Variants in ARFGEF1 observed in about 807,000 individuals in gnomAD.
ARFGEF1 encodes the protein brefeldin A-inhibited guanine nucleotide-exchange protein 1.
In ARFGEF1, 42 loss-of-function variants were observed where a neutral mutation model predicts 231.0. That is an observed-to-expected ratio of 0.18 (90% CI 0.14 to 0.24). The LOEUF is 0.24. Among genes scored for constraint, ARFGEF1 ranks in the 10% least tolerant of loss-of-function variants. The pLI is 1.00. For missense variants in ARFGEF1, 1,345 were observed against 2,192.0 expected (o/e 0.61, Z 7.72); for synonymous variants, 710 against 732.3 (o/e 0.97, Z 0.49).
At chr8:67,240,017 AAACATT>A (rs1400966555) in intron 20 of ARFGEF1, 139 bp downstream of exon 20, 1 of 1,123,472 alleles carries the variant, frequency 8.9e-7, no homozygotes, top group Non-Finnish European at 1.2e-6. Flanking sequence ...TCAGAAGCTT[AAACATT>A]AAGATTCATT....
At chr8:67,343,093 A>AGGCCCCCCCCCCCCCC in intron 1 of ARFGEF1, 71 bp downstream of exon 1, 2 of 184,674 alleles carry the variant, frequency 1.1e-5, no homozygotes, top group Non-Finnish European at 2.1e-5. Context: ...GGGCGACCCC[A>AGGCCCCCCCCCCCCCC]CCCCCCCACA....
Position 67,288,076 on chromosome 8 carries a change from A to C in ARFGEF1, c.917-11T>G. On this transcript the variant is annotated splice_polypyrimidine_tract_variant and intron_variant, in intron 6 of 38. Coordinates refer to ENST00000262215, the MANE Select transcript of ARFGEF1 (RefSeq NM_006421.5). ...CATTTTTAGATAATGCTTTAAAAGA[A>C]GAAAAATTCAACAGAACATTATTTT... The C allele has an allele frequency of 6.5e-7, 1 of 1,544,542 alleles. No homozygotes were observed. The highest frequency in any genetic ancestry group is 8.8e-7 in the Non-Finnish European group (1 of 1,139,842).
intron 36 of ARFGEF1, among the ~76,000 whole-genome samples, chr8:67,202,073 A>G (rs1012092171): frequency 6.6e-6 from 1 of 152,082 alleles, no homozygotes; most frequent in Non-Finnish European, 1.5e-5. Flanking sequence ...AGTACAGACT[A>G]CTCTTTCCAG....
intron 1 of ARFGEF1, among the ~76,000 whole-genome samples, chr8:67,338,370 A>AG (rs1295732732): frequency 3.9e-5 from 6 of 152,176 alleles, no homozygotes; most frequent in Non-Finnish European, 1.5e-5. Flanking sequence ...GTAAGTTCCA[A>AG]GGAACAACAT....
Position 67,218,111 on chromosome 8 carries a change from T to C in ARFGEF1, c.4366A>G (p.Asn1456Asp). Residue 1456 changes from asparagine to aspartate, a missense_variant, in exon 31 of 39, where the codon AAT becomes GAT. Physicochemically the swap from Asn to Asp is conservative, Grantham distance 23. Around this residue, in one of 14 missense-constraint regions of ARFGEF1, gnomAD observed 18 missense variants for 63.5 expected, o/e 0.28. Transcript: ENST00000262215. ...TCACAGATTGCATAAAGTGCATGATTGCAAGTTGTTGTCATCCATTCAGCT... is the reference window on the plus strand; with the variant it reads ...TCACAGATTGCATAAAGTGCATGATCGCAAGTTGTTGTCATCCATTCAGCT... ...EKAEWMTTTC[N>D]HALYAICDVF... 6.6e-7 allele frequency: 1 copy of C among 1,524,906 alleles called. No individual in the cohort carries two copies. 94.5% of individuals were successfully genotyped at this position (1,524,906 alleles called of 1,614,324 possible).
intron 3 of ARFGEF1, among the ~76,000 whole-genome samples, chr8:67,300,660 CAAA>C (rs200434355): frequency 1.3e-3 from 116 of 88,638 alleles, no homozygotes; most frequent in Middle Eastern, 6.1e-3. Flanking sequence ...CTTGTCTCTT[CAAA>C]AAAAAAAAAA....
chr8:67,276,976 C>G (rs992014187), intron 8 of ARFGEF1, among the ~76,000 whole-genome samples: 1 of 152,040 alleles, frequency 6.6e-6, no homozygotes, highest in Non-Finnish European at 1.5e-5. Context: ...CCAGAATTAT[C>G]TTGTGAATAT....
chr8:67,271,025 CAAAAAAAAAAAAAAAAAAGG>C (rs930953162), intron 10 of ARFGEF1, among the ~76,000 whole-genome samples: 3 of 36,114 alleles, frequency 8.3e-5, no homozygotes, highest in African/African-American at 1.1e-4. Flanking sequence ...ACTCCATCTC[CAAAAAAAAAAAAAAAAAAGG>C]AAAAAGAAAA....
intron 14 of ARFGEF1, among the ~76,000 whole-genome samples, chr8:67,261,669 A>C (rs1486596664): frequency 6.6e-6 from 1 of 152,142 alleles, no homozygotes; most frequent in Non-Finnish European, 1.5e-5. Context: ...CCTTGGATGA[A>C]AGAGTGATTT....
At chr8:67,311,341 G>A (rs1475737176) in intron 1 of ARFGEF1, among the ~76,000 whole-genome samples, 2 of 126,816 alleles carry the variant, frequency 1.6e-5, no homozygotes, top group Non-Finnish European at 3.4e-5. Flanking sequence ...GGTGAGGGGC[G>A]CCTCTGCCCG....
chr8:67,195,793 T>C (rs1837825850), downstream of ARFGEF1: 2 of 544,810 alleles, frequency 3.7e-6, no homozygotes, highest in Admixed American at 3.3e-5. Context: ...TAGAATTGTA[T>C]AGATTATTTT....
At chr8:67,310,240 T>C (rs1196148300) in intron 1 of ARFGEF1, among the ~76,000 whole-genome samples, 1 of 151,286 alleles carries the variant, frequency 6.6e-6, no homozygotes. Flanking sequence ...GCCGAGTGCC[T>C]GCGATTGCAG....
intron 9 of ARFGEF1, among the ~76,000 whole-genome samples, chr8:67,275,312 T>G (rs1435928491): frequency 6.6e-6 from 1 of 152,004 alleles, no homozygotes; most frequent in Non-Finnish European, 1.5e-5. Context: ...TACATTTGAA[T>G]CACGAGAGAT....
At chr8:67,222,196 T>TAC (rs1456002196) in intron 29 of ARFGEF1, among the ~76,000 whole-genome samples, 1 of 141,234 alleles carries the variant, frequency 7.1e-6, no homozygotes, top group African/African-American at 2.7e-5. Flanking sequence ...TATATATATA[T>TAC]ATATATATAC....
At chr8:67,281,547 T>C (rs921874351) in intron 7 of ARFGEF1, among the ~76,000 whole-genome samples, 2 of 151,802 alleles carry the variant, frequency 1.3e-5, no homozygotes, top group Non-Finnish European at 2.9e-5. Flanking sequence ...AAAATGAATA[T>C]CCTTGCCATC....
At chr8:67,260,780 G>A (rs1804586023) in intron 14 of ARFGEF1, among the ~76,000 whole-genome samples, 1 of 152,156 alleles carries the variant, frequency 6.6e-6, no homozygotes, top group Admixed American at 6.5e-5. Context: ...GCCAAGACAG[G>A]CTGAAAGCTA....
intron 17 of ARFGEF1, among the ~76,000 whole-genome samples, chr8:67,255,781 C>T (rs1840435093): frequency 6.6e-6 from 1 of 152,200 alleles, no homozygotes; most frequent in South Asian, 2.1e-4. Flanking sequence ...AAGCAGTTGC[C>T]ACCGCTAGAC....
chr8:67,324,498 G>A (rs1166362254), intron 1 of ARFGEF1, among the ~76,000 whole-genome samples: 2 of 152,132 alleles, frequency 1.3e-5, no homozygotes, highest in Non-Finnish European at 2.9e-5. Context: ...GATCTTCCAA[G>A]CCTGAAGTCC....
At chr8:67,249,518 T>C (rs550969123) in intron 19 of ARFGEF1, among the ~76,000 whole-genome samples, 1 of 150,652 alleles carries the variant, frequency 6.6e-6, no homozygotes, top group African/African-American at 2.5e-5. Flanking sequence ...GATAGATAAA[T>C]CTACAGATAT....
Sources: allele counts gnomAD v4.1 joint callset (sites outside exome capture counted in the v4.1 genomes callset), GRCh38; gene constraint gnomAD v4.1.1; regional missense constraint gnomAD v4.1.1; transcripts MANE v1.5; gene names NCBI Gene and HGNC (gene_info 2026-07-23, HGNC 2026-07-21).